The following RBPJ variants were observed in gnomAD, a reference collection of about 807,000 sequenced individuals.
The protein encoded by RBPJ is recombination signal binding protein for immunoglobulin kappa J region.
A neutral mutation model predicts 67.8 loss-of-function variants in RBPJ; 9 were observed. That is an observed-to-expected ratio of 0.13 (90% CI 0.08 to 0.23). The LOEUF is 0.23. RBPJ is among the 10% of genes least tolerant of loss of function. The probability of loss-of-function intolerance (pLI) is 1.00; values close to 1 mark genes in which losing one functional copy is unlikely to be tolerated. For synonymous variants in RBPJ, 198 were observed against 203.3 expected, an observed-to-expected ratio of 0.97 and a Z score of 0.22; for missense variants, 305 against 595.6, an observed-to-expected ratio of 0.51 and a Z score of 5.08.
At position 26,415,510 on chromosome 4, in the gene RBPJ, G is replaced by A; in HGVS notation, c.191G>A (p.Gly64Asp). 6.2e-7 allele frequency: 1 copy of A among 1,611,694 alleles called. No homozygotes were observed. Among genetic ancestry groups the A allele is most frequent in the Non-Finnish European group, 8.5e-7 (1 of 1,179,132 alleles). Residue 64 changes from glycine (G) to aspartate (D), a missense_variant, in exon 4 of 11, where the codon GGC becomes GAC. This residue lies in a region of RBPJ where 79 missense variants were observed against 106.2 expected (regional missense o/e 0.74). Coordinates refer to ENST00000355476, the MANE Select transcript of RBPJ (RefSeq NM_015874.6). ...CCACCTCCTTGTGTATATCTTATGG[G>A]CAGTGGATGGAAGAAAAAAAAAGAA... ...FCPPPCVYLM[G>D]SGWKKKKEQM...
At chr4:26,373,061 A>G (rs1729329484) in intron 1 of RBPJ, among the ~76,000 whole-genome samples, 2 of 152,216 alleles carry the variant, frequency 1.3e-5, no homozygotes, top group African/African-American at 4.8e-5. Context: ...CCACAAATGT[A>G]GGTTTGATCA....
At chr4:26,321,006 G>A (rs1722968665), upstream of RBPJ, 1 of 1,613,660 alleles carries the variant, frequency 6.2e-7, no homozygotes, top group African/African-American at 1.3e-5. Context: ...GAGGGTTGGA[G>A]TTTTGGCGAG....
At chr4:26,332,256 A>G (rs1474327497) in intron 1 of RBPJ, among the ~76,000 whole-genome samples, 1 of 152,028 alleles carries the variant, frequency 6.6e-6, no homozygotes, top group Non-Finnish European at 1.5e-5. Flanking sequence ...TTATTTCATA[A>G]TTATTGGTAA....
chr4:26,208,660 C>T (rs7662384), intron 1 of RBPJ, among the ~76,000 whole-genome samples: 95,513 of 152,072 alleles, frequency 0.63, 30,797 homozygotes, highest in African/African-American at 0.76. Context: ...TAACAGACCA[C>T]GATTTGCACA....
At chr4:26,256,202 C>G (rs999576675) in intron 1 of RBPJ, among the ~76,000 whole-genome samples, 5 of 152,000 alleles carry the variant, frequency 3.3e-5, no homozygotes, top group African/African-American at 1.2e-4. Context: ...CCTAGCCAAC[C>G]CCATCGAAAC....
At chr4:26,350,200 A>C (rs1281994271) in intron 1 of RBPJ, among the ~76,000 whole-genome samples, 1 of 152,188 alleles carries the variant, frequency 6.6e-6, no homozygotes, top group Non-Finnish European at 1.5e-5. Context: ...AAAGACTATA[A>C]GCTAAGGTAT....
At chr4:26,320,669 C>G, upstream of RBPJ, 2 of 1,463,116 alleles carry the variant, frequency 1.4e-6, no homozygotes, top group Non-Finnish European at 1.8e-6. Context: ...CATTCCTCGT[C>G]CCCGTAGTAA....
chr4:26,191,223 A>T (rs1717525294), intron 1 of RBPJ, among the ~76,000 whole-genome samples: 2 of 117,212 alleles, frequency 1.7e-5, no homozygotes, highest in African/African-American at 6.7e-5. Context: ...AGAGAGAGAG[A>T]GAGAGAGAGA....
chr4:26,343,448 G>C (rs576489845), intron 1 of RBPJ, among the ~76,000 whole-genome samples: 30 of 152,172 alleles, frequency 2.0e-4, no homozygotes, highest in African/African-American at 6.5e-4. Context: ...ATAAATATTG[G>C]GTTATTTGAA....
At position 26,415,655 on chromosome 4, in the gene RBPJ, C is replaced by T; in HGVS notation, c.321+15C>T. 2.5e-6 allele frequency: 4 copies of T among 1,587,720 alleles called. No individual in the cohort carries two copies. Among genetic ancestry groups the T allele is most frequent in the Non-Finnish European group, 2.6e-6 (3 of 1,169,112 alleles). ...TGGAAGGAAAGGTAAATCAAGACTG[C>T]TAGTTCACCAGAAAGGGGCACCATG... On this transcript the variant is annotated intron_variant, in intron 4 of 10. Transcript: ENST00000355476.
intron 1 of RBPJ, among the ~76,000 whole-genome samples, chr4:26,269,430 A>G (rs1720808508): frequency 6.6e-6 from 1 of 151,628 alleles, no homozygotes; most frequent in Non-Finnish European, 1.5e-5. Flanking sequence ...TAATTTTTGT[A>G]TTTTTAGTAG....
chr4:26,222,841 C>A (rs1056790641), intron 1 of RBPJ, among the ~76,000 whole-genome samples: 1 of 151,760 alleles, frequency 6.6e-6, no homozygotes, highest in African/African-American at 2.4e-5. Context: ...TTGATGTTTC[C>A]TCAATAGATT....
At position 26,433,546 on chromosome 4, in the gene RBPJ, T is replaced by C. The variant is rs1485431404; in HGVS notation, c.*2539T>C. ...TTTTTTAACAAACATGTATGTTTTA[T>C]TTTGATAGTTTCTTTCCGTAAGATA... On this transcript the variant is annotated 3_prime_UTR_variant, in exon 11 of 11. Coordinates refer to ENST00000355476, the MANE Select transcript of RBPJ (RefSeq NM_015874.6). 6.6e-6 allele frequency: 1 copy of C among 152,232 alleles called. No homozygotes were observed. The highest frequency in any genetic ancestry group is 2.4e-5 in the African/African-American group (1 of 41,458). The allele number at this position is 152,232 out of a possible 1,614,324, so 9.4% of individuals were successfully genotyped here. A position where few individuals can be genotyped will look rare whatever the true frequency, so the allele number is the denominator to read the frequency against.
intron 1 of RBPJ, among the ~76,000 whole-genome samples, chr4:26,209,285 G>C (rs925941983): frequency 6.6e-6 from 1 of 151,884 alleles, no homozygotes; most frequent in African/African-American, 2.4e-5. Flanking sequence ...TTGCTGATGT[G>C]GTGACTTTTG....
chr4:26,315,356 G>C (rs1005219832), upstream of RBPJ, among the ~76,000 whole-genome samples: 1 of 151,282 alleles, frequency 6.6e-6, no homozygotes, highest in African/African-American at 2.4e-5. Context: ...TCACATATTG[G>C]TAGGTCTGTG....
At chr4:26,324,862 A>C (rs1297823691) in intron 1 of RBPJ, among the ~76,000 whole-genome samples, 1 of 152,220 alleles carries the variant, frequency 6.6e-6, no homozygotes, top group Non-Finnish European at 1.5e-5. Context: ...TGGTAGTACA[A>C]CATGCTTTCA....
At chr4:26,400,996 T>A (rs1034838612) in intron 2 of RBPJ, among the ~76,000 whole-genome samples, 5 of 152,268 alleles carry the variant, frequency 3.3e-5, no homozygotes, top group African/African-American at 1.2e-4. Flanking sequence ...CATTCATTCC[T>A]AGGTCATTTT....
chr4:26,333,121 A>G (rs1030957149), intron 1 of RBPJ, among the ~76,000 whole-genome samples: 2 of 152,218 alleles, frequency 1.3e-5, no homozygotes, highest in African/African-American at 4.8e-5. Flanking sequence ...AAAATACAGT[A>G]TTCATGGGAT....
chr4:26,347,424 A>G (rs930796219), intron 1 of RBPJ, among the ~76,000 whole-genome samples: 2 of 152,248 alleles, frequency 1.3e-5, no homozygotes, highest in African/African-American at 4.8e-5. Context: ...CAAACAAGGT[A>G]GAATAAAAGC....
Sources: allele counts gnomAD v4.1 joint callset (sites outside exome capture counted in the v4.1 genomes callset), GRCh38; gene constraint gnomAD v4.1.1; regional missense constraint gnomAD v4.1.1; transcripts MANE v1.5; gene names NCBI Gene and HGNC (gene_info 2026-07-23, HGNC 2026-07-21).